The following NGF variants were observed in gnomAD, a reference collection of about 807,000 sequenced individuals.
NGF encodes nerve growth factor.
Under a neutral mutation model 12.8 loss-of-function variants are expected in NGF, and 4 were observed. That is an observed-to-expected ratio of 0.31 (90% CI 0.15 to 0.72). NGF has a LOEUF of 0.72. NGF is among the 30% of genes least tolerant of loss of function. NGF has a pLI of 0.69. For missense variants in NGF, 283 were observed against 330.8 expected, an observed-to-expected ratio of 0.86 and a Z score of 1.12; for synonymous variants, 140 against 130.0, an observed-to-expected ratio of 1.08 and a Z score of -0.52.
At chr1:115,286,896 A>C in intron 2 of NGF, 89 bp from the exon 3 acceptor site, 1 of 1,497,496 alleles carries the variant, frequency 6.7e-7, no homozygotes, top group Non-Finnish European at 9.2e-7. Flanking sequence ...TGACCTCCCA[A>C]GGGGATCACG....
At chr1:115,289,865 C>T (rs1305748545) in intron 2 of NGF, among the ~76,000 whole-genome samples, 1 of 152,162 alleles carries the variant, frequency 6.6e-6, no homozygotes, top group East Asian at 1.9e-4. Context: ...GACCTCCATC[C>T]AGCCCTTTTG....
chr1:115,319,675 A>G (rs1291081187), intron 1 of NGF, among the ~76,000 whole-genome samples: 3 of 152,198 alleles, frequency 2.0e-5, no homozygotes, highest in Non-Finnish European at 4.4e-5. Flanking sequence ...CTCACCTGGC[A>G]TTTCTGGTGC....
At chr1:115,286,911 G>T in intron 2 of NGF, 104 bp from the exon 3 acceptor site, 1 of 1,407,006 alleles carries the variant, frequency 7.1e-7, no homozygotes, top group Non-Finnish European at 1.0e-6. Flanking sequence ...ATCACGAAGA[G>T]GTTTCATTCA....
Position 115,337,267 on chromosome 1 carries a change from G to GTTTGTTTTTTTTTTTTTTTTTTTT in NGF, c.-137+936_-137+937insAAAAAAAAAAAAAAAAAAAACAAA. ...TCGAAATTTTTTTTGTTTTGTTTTT[G>GTTTGTTTTTTTTTTTTTTTTTTTT]TTTTTTTTTTTTTTTTTTTTTTTTT... On this transcript the variant is annotated intron_variant, in intron 1 of 2. Transcript: ENST00000369512. Among the ~76,000 whole-genome samples the GTTTGTTTTTTTTTTTTTTTTTTTT allele has an allele frequency of 6.4e-4, 52 of 81,028 alleles. 9 individuals are homozygous for GTTTGTTTTTTTTTTTTTTTTTTTT. Among genetic ancestry groups the GTTTGTTTTTTTTTTTTTTTTTTTT allele is most frequent in the African/African-American group, 1.0e-3 (19 of 18,894 alleles). The allele number at this position is 81,028 out of a possible 152,430, so 53.2% of individuals were successfully genotyped here. A position where few individuals can be genotyped will look rare whatever the true frequency, so the allele number is the denominator to read the frequency against.
At chr1:115,312,441 T>C (rs991993920) in intron 1 of NGF, among the ~76,000 whole-genome samples, 4 of 152,134 alleles carry the variant, frequency 2.6e-5, no homozygotes, top group Non-Finnish European at 5.9e-5. Context: ...ATAAACAATA[T>C]AGCAGAAGTG....
At chr1:115,311,591 A>G (rs1290483225) in intron 1 of NGF, among the ~76,000 whole-genome samples, 2 of 152,220 alleles carry the variant, frequency 1.3e-5, no homozygotes, top group Admixed American at 1.3e-4. Context: ...TGCCTCCCAC[A>G]GCACAGAATC....
At chr1:115,335,085 G>A (rs1451721856) in intron 1 of NGF, among the ~76,000 whole-genome samples, 1 of 152,208 alleles carries the variant, frequency 6.6e-6, no homozygotes, top group African/African-American at 2.4e-5. Context: ...CCAGAGAGGA[G>A]CAATGAAAAC....
chr1:115,315,377 G>T (rs1416213498), intron 1 of NGF, among the ~76,000 whole-genome samples: 3 of 152,136 alleles, frequency 2.0e-5, no homozygotes, highest in Non-Finnish European at 2.9e-5. Context: ...ATGTAGCAGA[G>T]GTGAGAAGAC....
intron 1 of NGF, among the ~76,000 whole-genome samples, chr1:115,332,466 T>G (rs1321325439): frequency 6.6e-6 from 1 of 152,114 alleles, no homozygotes; most frequent in African/African-American, 2.4e-5. Context: ...AAGCTATATA[T>G]GCACAGATAC....
intron 1 of NGF, among the ~76,000 whole-genome samples, chr1:115,322,297 C>T (rs1654651426): frequency 6.6e-6 from 1 of 152,134 alleles, no homozygotes; most frequent in Non-Finnish European, 1.5e-5. Flanking sequence ...CTTTCATGAC[C>T]ATCCCAGGAA....
chr1:115,286,097 G>T lies in NGF; in HGVS notation c.699C>A (p.Leu233=). 6.2e-7 allele frequency: 1 copy of T among 1,613,536 alleles called. No individual in the cohort carries two copies. The highest frequency in any genetic ancestry group is 8.5e-7 in the Non-Finnish European group (1 of 1,179,768). ...AGGCTCTTCTCACAGCCTTCCTGCT[G>T]AGCACACACACACAGGCCGTATCTA... is the stretch of plus-strand genomic sequence containing the variant. ...IRIDTACVCV[L]SRKAVRRA Residue 233 remains leucine, a synonymous_variant, in exon 3 of 3, where the codon CTC becomes CTA. Transcript: ENST00000369512.
intron 1 of NGF, among the ~76,000 whole-genome samples, chr1:115,336,953 G>A (rs1453911495): frequency 1.3e-5 from 2 of 152,146 alleles, no homozygotes; most frequent in African/African-American, 4.8e-5. Context: ...CTTTTCTACA[G>A]GATTTCCATT....
chr1:115,321,503 G>A (rs934885492), intron 1 of NGF, among the ~76,000 whole-genome samples: 6 of 151,642 alleles, frequency 4.0e-5, no homozygotes, highest in African/African-American at 9.7e-5. Context: ...TTTTGAGTCC[G>A]AAAGGACTGC....
rs986025664 is a variant in NGF, at chr1:115,293,607, A to G, written c.-13+20T>C. ...GCAGAGGGAGGACCTTGGCAAGGCC[A>G]AGGTCCCTTAGGCACTTACCTCAGT... On this transcript the variant is annotated intron_variant, in intron 2 of 2. Transcript: ENST00000369512. 6.5e-6 allele frequency: 1 copy of G among 152,706 alleles called. No individual in the cohort carries two copies. The highest frequency in any genetic ancestry group is 2.1e-4 in the South Asian group (1 of 4,828). 9.5% of individuals were successfully genotyped at this position (152,706 alleles called of 1,614,324 possible). A position where few individuals can be genotyped will look rare whatever the true frequency, so the allele number is the denominator to read the frequency against.
chr1:115,334,050 A>G (rs1433871119), intron 1 of NGF, among the ~76,000 whole-genome samples: 1 of 152,120 alleles, frequency 6.6e-6, no homozygotes, highest in Non-Finnish European at 1.5e-5. Context: ...GAGACCTTGA[A>G]GCAGAGGTGA....
In NGF at chr1:115,286,144, C is replaced by G; in HGVS notation, c.652G>C (p.Ala218Pro). Reference sequence around the variant, plus strand: ...TCTATCCGGATAAACCGCCAGGCAGCCTGCTTGCCATCCATGGTCAGCGCC... The same window carrying G: ...TCTATCCGGATAAACCGCCAGGCAGGCTGCTTGCCATCCATGGTCAGCGCC... The part of the protein sequence containing the change: ...VKALTMDGKQ[A>P]AWRFIRIDTA... The change falls in exon 3 of 3, where the codon GCT (alanine) becomes CCT (proline). Residue 218 changes from alanine to proline, a missense_variant. By Grantham distance (27) the Ala-to-Pro change is conservative. Coordinates refer to ENST00000369512, the MANE Select transcript of NGF (RefSeq NM_002506.3). 6.2e-7 allele frequency: 1 copy of G among 1,613,648 alleles called. No individual in the cohort carries two copies. The highest frequency in any genetic ancestry group is 8.5e-7 in the Non-Finnish European group (1 of 1,179,624).
At chr1:115,337,301 TTTTTA>T (rs1655154632) in intron 1 of NGF, among the ~76,000 whole-genome samples, 7 of 119,526 alleles carry the variant, frequency 5.9e-5, no homozygotes, top group African/African-American at 1.9e-4. Flanking sequence ...TTTTTTTTTT[TTTTTA>T]GAAGGAGGTT....
At chr1:115,289,233 T>C (rs190500378) in intron 2 of NGF, among the ~76,000 whole-genome samples, 6 of 152,332 alleles carry the variant, frequency 3.9e-5, no homozygotes, top group Non-Finnish European at 4.4e-5. Context: ...CACTTCTTTG[T>C]TCTTCTCGGT....
chr1:115,326,058 G>A (rs975604335), intron 1 of NGF, among the ~76,000 whole-genome samples: 2 of 152,118 alleles, frequency 1.3e-5, no homozygotes, highest in African/African-American at 2.4e-5. Context: ...GGAAGTCGTA[G>A]ATCGTAGCTC....
Sources: allele counts gnomAD v4.1 joint callset (sites outside exome capture counted in the v4.1 genomes callset), GRCh38; gene constraint gnomAD v4.1.1; transcripts MANE v1.5; gene names NCBI Gene and HGNC (gene_info 2026-07-23, HGNC 2026-07-21).